Variants in NEK5 observed in about 807,000 individuals in gnomAD.
NEK5 encodes serine/threonine-protein kinase Nek5.
A neutral mutation model predicts 109.2 loss-of-function variants in NEK5; 88 were observed. That is an observed-to-expected ratio of 0.81 (90% CI 0.68 to 0.96). The LOEUF (loss-of-function observed/expected upper bound fraction) is 0.96, where lower values mean the gene tolerates loss of function less well. Ranked by LOEUF, NEK5 falls within the 40% of genes least tolerant of loss-of-function variation. NEK5 has a pLI of 0.00. For synonymous variants in NEK5, 283 were observed against 299.9 expected, an observed-to-expected ratio of 0.94 and a Z score of 0.58; for missense variants, 834 against 920.7, an observed-to-expected ratio of 0.91 and a Z score of 1.22.
chr13:52,110,505 T>C lies in NEK5; in HGVS notation c.385A>G (p.Ile129Val), dbSNP rs773499254. 5.0e-6 allele frequency: 8 copies of C among 1,611,902 alleles called. No individual in the cohort carries two copies. The East Asian group carries it at 1.3e-4, about 27-fold the overall frequency. Residue 129 changes from isoleucine to valine, a missense_variant, in exon 6 of 24, where the codon ATA becomes GTA. Ile to Val is a conservative substitution (Grantham distance 29). Around this residue, in one of 2 missense-constraint regions of NEK5, gnomAD observed 777 missense variants for 824.7 expected, o/e 0.94. Coordinates refer to ENST00000684899, the MANE Select transcript of NEK5 (RefSeq NM_001365552.1). ...IHDRKILHRD[I>V]KAQNIFLSKN... ...CTCTGAGCTGTTACCTGAGCTTTTA[T>C]GTCCCTGTGTAATATCTTCCTGTCA...
chr13:52,101,963 C>T lies in NEK5; in HGVS notation c.862G>A (p.Ala288Thr). ...HMLICRAGAPASRHAGKVVQK... is the reference protein window; with the variant it reads ...HMLICRAGAPTSRHAGKVVQK... ...ACCACCTTCCCAGCATGTCGAGAAG[C>T]TGGCGCTCCTGCTCTGCATATAAGC... Residue 288 changes from alanine (A) to threonine (T), a missense_variant, in exon 11 of 24, where the codon GCT becomes ACT. Physicochemically the swap from Ala to Thr is moderately conservative, Grantham distance 58 (BLOSUM62 0). Coordinates refer to ENST00000684899, the MANE Select transcript of NEK5 (RefSeq NM_001365552.1). 1 of 1,614,154 alleles carries T rather than the reference C, an allele frequency of 6.2e-7. No individual in the cohort carries two copies. Among genetic ancestry groups the T allele is most frequent in the Non-Finnish European group, 8.5e-7 (1 of 1,180,000 alleles).
chr13:52,035,300 C>T lies in NEK5; in HGVS notation c.*1648G>A, dbSNP rs1382353098. On this transcript the variant is annotated 3_prime_UTR_variant, in exon 24 of 24. Coordinates refer to ENST00000684899, the MANE Select transcript of NEK5 (RefSeq NM_001365552.1). The stretch of plus-strand genomic sequence containing the variant: ...AGGTGACTCCTAAGACTTGCATTCT[C>T]CACATTTAATGAAAATTATATGAAA... The T allele has an allele frequency of 6.6e-6, 1 of 152,196 alleles. No individual in the cohort carries two copies. The highest frequency in any genetic ancestry group is 1.9e-4 in the East Asian group (1 of 5,194). 9.4% of individuals were successfully genotyped at this position (152,196 alleles called of 1,614,324 possible). A position where few individuals can be genotyped will look rare whatever the true frequency, so the allele number is the denominator to read the frequency against.
intron 17 of NEK5, chr13:52,082,394 T>C: frequency 1.7e-6 from 2 of 1,149,666 alleles, no homozygotes; most frequent in South Asian, 1.6e-5. Context: ...AAAAGCACAC[T>C]TGGGCTTCTT....
At chr13:52,060,186 G>A (rs1954599588) in intron 22 of NEK5, among the ~76,000 whole-genome samples, 1 of 151,998 alleles carries the variant, frequency 6.6e-6, no homozygotes, top group Non-Finnish European at 1.5e-5. Context: ...TCATACTTCA[G>A]AGAAACAAAG....
In NEK5 at chr13:52,087,456, T is replaced by C. The variant is rs759056750; in HGVS notation, c.1276-2A>G. On this transcript the variant is annotated splice_acceptor_variant, in intron 14 of 23. Transcript: ENST00000684899. LOFTEE classifies it high-confidence loss of function. ...CTCGGCAGAAGATGGACGAAGACCC[T>C]ATTTATTGAATGAAATAATTTATAA... 1.3e-6 allele frequency: 2 copies of C among 1,491,596 alleles called. No individual in the cohort carries two copies. Among genetic ancestry groups the C allele is most frequent in the African/African-American group, 2.8e-5 (2 of 72,054 alleles). The allele number at this position is 1,491,596 out of a possible 1,614,324, so 92.4% of individuals were successfully genotyped here.
intron 12 of NEK5, among the ~76,000 whole-genome samples, chr13:52,097,697 C>G (rs1955445196): frequency 6.6e-6 from 1 of 151,960 alleles, no homozygotes; most frequent in African/African-American, 2.4e-5. Flanking sequence ...TCAGAGAGAC[C>G]TTGAATTGTG....
chr13:52,119,374 A>G lies in NEK5; in HGVS notation c.159T>C (p.Ile53=). Residue 53 remains isoleucine (I), a synonymous_variant, in exon 4 of 24, where the codon ATT becomes ATC. Transcript: ENST00000684899. ...TGGGATGTTTCATCTTTTCCAGAAG[A>G]ATCACTTCTTTCTTTGAAGCTTCTT... ...QEKEASKKEV[I]LLEKMKHPNI... 6.2e-7 allele frequency: 1 copy of G among 1,603,570 alleles called. No homozygotes were observed. Among genetic ancestry groups the G allele is most frequent in the Non-Finnish European group, 8.5e-7 (1 of 1,172,232 alleles).
intron 17 of NEK5, among the ~76,000 whole-genome samples, chr13:52,079,131 T>C (rs1954922317): frequency 6.6e-6 from 1 of 152,156 alleles, no homozygotes; most frequent in African/African-American, 2.4e-5. Context: ...AAAAAAGCTG[T>C]GCTAGAAACT....
At chr13:52,089,028 T>G (rs923361472) in intron 14 of NEK5, among the ~76,000 whole-genome samples, 2 of 151,640 alleles carry the variant, frequency 1.3e-5, no homozygotes, top group African/African-American at 2.4e-5. Context: ...GAGGCAGAGG[T>G]TGCAGTGAGC....
At position 52,119,380 on chromosome 13, in the gene NEK5, T is replaced by G; in HGVS notation, c.153A>C (p.Glu51Asp). 2 of 1,601,468 alleles carry G rather than the reference T, an allele frequency of 1.2e-6. No individual in the cohort carries two copies. Among genetic ancestry groups the G allele is most frequent in the South Asian group, 2.2e-5 (2 of 89,688 alleles). Residue 51 changes from glutamate (E) to aspartate (D), a missense_variant, in exon 4 of 24, where the codon GAA (glutamate) becomes GAC (aspartate). By Grantham distance (45) the Glu-to-Asp change is conservative. Coordinates refer to ENST00000684899, the MANE Select transcript of NEK5 (RefSeq NM_001365552.1). The stretch of plus-strand genomic sequence containing the variant: ...GTTTCATCTTTTCCAGAAGAATCAC[T>G]TCTTTCTTTGAAGCTTCTTTTTCTT... ...PIQEKEASKK[E>D]VILLEKMKHP...
chr13:52,107,139 G>T (rs1197822571), intron 8 of NEK5, among the ~76,000 whole-genome samples: 2 of 152,142 alleles, frequency 1.3e-5, no homozygotes, highest in African/African-American at 4.8e-5. Flanking sequence ...TAAATGAAGA[G>T]AAATGGCTTT....
chr13:52,063,483 C>T (rs1224318008), intron 21 of NEK5, among the ~76,000 whole-genome samples: 11 of 152,344 alleles, frequency 7.2e-5, no homozygotes, highest in African/African-American at 2.6e-4. Context: ...GCAGCCTCTG[C>T]CCGGCCGCCA....
At chr13:52,054,387 C>T (rs1954534207) in intron 22 of NEK5, among the ~76,000 whole-genome samples, 1 of 152,244 alleles carries the variant, frequency 6.6e-6, no homozygotes, top group African/African-American at 2.4e-5. Context: ...GCAGCACAAT[C>T]ATGGCTCATG....
At position 52,035,051 on chromosome 13, in the gene NEK5, ACATCCGGAG is replaced by A. The variant is rs1302103687; in HGVS notation, c.*1888_*1896del. Reference sequence around the variant, plus strand: ...TAGTCCTGAAAGTAAATAAACATGCACATCCGGAGCACTAAAAGAGTTGCAGAATTAATG... The same window carrying A: ...TAGTCCTGAAAGTAAATAAACATGCACACTAAAAGAGTTGCAGAATTAATG... On this transcript the variant is annotated 3_prime_UTR_variant, in exon 24 of 24. Coordinates refer to ENST00000684899, the MANE Select transcript of NEK5 (RefSeq NM_001365552.1). 6.6e-6 allele frequency: 1 copy of A among 151,792 alleles called. No individual in the cohort carries two copies. Among genetic ancestry groups the A allele is most frequent in the Non-Finnish European group, 1.5e-5 (1 of 68,028 alleles). The allele number at this position is 151,792 out of a possible 1,614,324, so 9.4% of individuals were successfully genotyped here. A position where few individuals can be genotyped will look rare whatever the true frequency, so the allele number is the denominator to read the frequency against.
intron 4 of NEK5, among the ~76,000 whole-genome samples, chr13:52,115,677 T>C (rs556617674): frequency 6.6e-6 from 1 of 151,380 alleles, no homozygotes; most frequent in East Asian, 2.0e-4. Flanking sequence ...ATAAGGATTT[T>C]CCCCCATTAG....
intron 11 of NEK5, among the ~76,000 whole-genome samples, chr13:52,100,911 G>A (rs115731132): frequency 0.012 from 1,897 of 152,218 alleles, 41 homozygotes; most frequent in African/African-American, 0.044. Context: ...TGTCTCAATG[G>A]ATAACATTTC....
At chr13:52,039,710 C>T (rs1438507577) in intron 23 of NEK5, among the ~76,000 whole-genome samples, 1 of 152,196 alleles carries the variant, frequency 6.6e-6, no homozygotes, top group East Asian at 1.9e-4. Flanking sequence ...CTTCCAGTTA[C>T]TAACTCCTTT....
intron 3 of NEK5, among the ~76,000 whole-genome samples, chr13:52,126,549 G>A (rs1359138000): frequency 1.3e-5 from 2 of 152,138 alleles, no homozygotes; most frequent in Admixed American, 6.5e-5. Context: ...AGGCCAAGGC[G>A]GGCAGATCAC....
chr13:52,065,260 TTCC>T (rs1335997560), intron 21 of NEK5: 10 of 605,400 alleles, frequency 1.7e-5, no homozygotes, highest in Non-Finnish European at 2.4e-5. Flanking sequence ...TCCTGGATTT[TTCC>T]TCCTTTATAT....
Sources: allele counts gnomAD v4.1 joint callset (sites outside exome capture counted in the v4.1 genomes callset), GRCh38; gene constraint gnomAD v4.1.1; regional missense constraint gnomAD v4.1.1; transcripts MANE v1.5; gene names NCBI Gene and HGNC (gene_info 2026-07-23, HGNC 2026-07-21).